The following ANK2 variants were observed in gnomAD, a reference collection of about 807,000 sequenced individuals.
ANK2 encodes ankyrin-2.
A neutral mutation model predicts 360.5 loss-of-function variants in ANK2; 83 were observed. That is an observed-to-expected ratio of 0.23 (90% CI 0.19 to 0.28). The LOEUF (loss-of-function observed/expected upper bound fraction) is 0.28, where lower values mean the gene tolerates loss of function less well. Ranked by LOEUF, ANK2 falls within the 10% of genes least tolerant of loss-of-function variation. ANK2 has a pLI of 1.00. For synonymous variants in ANK2, 1,740 were observed against 1,759.5 expected (o/e 0.99, Z 0.28); for missense variants, 4,201 against 4,795.7 (o/e 0.88, Z 3.66).
intron 2 of ANK2, among the ~76,000 whole-genome samples, chr4:113,025,494 T>C (rs1467026223): frequency 6.6e-6 from 1 of 152,204 alleles, no homozygotes; most frequent in African/African-American, 2.4e-5. Flanking sequence ...TTGTGCCTTA[T>C]GGATAAACTC....
chr4:112,730,670 A>G, the ANK2 span, among the ~76,000 whole-genome samples: 5 of 151,106 alleles, frequency 3.3e-5, no homozygotes, highest in Non-Finnish European at 7.4e-5. Context: ...AAAGAAAACA[A>G]AATTACTAGA....
chr4:113,280,029 G>A lies in ANK2; in HGVS notation c.1881+1471G>A, dbSNP rs556223429. ...ATTTGGATGAAAGAATGAAGATTGA[G>A]CAACTATGGAATAAAAATATACCTG... is the stretch of plus-strand genomic sequence containing the variant. On this transcript the variant is annotated intron_variant, in intron 17 of 45. Transcript: ENST00000357077. Among the ~76,000 whole-genome samples, 41 of 152,136 alleles carry A rather than the reference G, an allele frequency of 2.7e-4. No individual in the cohort carries two copies. In the South Asian group the frequency reaches 7.1e-3, roughly 26 times the overall value.
chr4:113,381,798 T>C lies in ANK2; in HGVS notation c.*327T>C, dbSNP rs1247058595. The C allele has an allele frequency of 1.0e-5, 7 of 668,762 alleles. No homozygotes were observed. Among genetic ancestry groups the C allele is most frequent in the Non-Finnish European group, 1.7e-5 (7 of 419,822 alleles). The allele number at this position is 668,762 out of a possible 1,614,324, so 41.4% of individuals were successfully genotyped here. ...ATTTTGCTTTAGTTTTCCCCCATCCTCTTTAACTATAAAGCTAATTTGTGA... is the reference window on the plus strand; with the variant it reads ...ATTTTGCTTTAGTTTTCCCCCATCCCCTTTAACTATAAAGCTAATTTGTGA... On this transcript the variant is annotated 3_prime_UTR_variant, in exon 46 of 46. Coordinates refer to ENST00000357077, the MANE Select transcript of ANK2 (RefSeq NM_001148.6).
At chr4:113,242,841 A>G (rs910288299) in intron 9 of ANK2, among the ~76,000 whole-genome samples, 5 of 152,190 alleles carry the variant, frequency 3.3e-5, no homozygotes, top group African/African-American at 1.2e-4. Context: ...TCAGTTGTTA[A>G]AAGTGCAGAA....
At chr4:113,057,917 G>A (rs996375020) in intron 1 of ANK2, among the ~76,000 whole-genome samples, 2 of 152,086 alleles carry the variant, frequency 1.3e-5, no homozygotes, top group Non-Finnish European at 2.9e-5. Context: ...TGATCATAAT[G>A]TTATGCTAGT....
intron 29 of ANK2, 147 bp from the exon 30 acceptor site, chr4:113,335,699 T>C: frequency 1.2e-6 from 1 of 844,534 alleles, no homozygotes; most frequent in Non-Finnish European, 1.9e-6. Context: ...TAGGATAGCC[T>C]TGCTTTTTAA....
At chr4:113,139,975 A>G (rs912796419) in intron 1 of ANK2, among the ~76,000 whole-genome samples, 1 of 152,256 alleles carries the variant, frequency 6.6e-6, no homozygotes, top group African/African-American at 2.4e-5. Flanking sequence ...GACCTCAATT[A>G]GAAAAATTAT....
intron 1 of ANK2, among the ~76,000 whole-genome samples, chr4:112,863,884 G>A (rs2069154766): frequency 6.6e-6 from 1 of 152,068 alleles, no homozygotes; most frequent in East Asian, 1.9e-4. Flanking sequence ...TCCATTTTGT[G>A]TATTGTGAGG....
intron 1 of ANK2, among the ~76,000 whole-genome samples, chr4:113,096,796 CAT>C (rs756361988): frequency 2.0e-5 from 3 of 151,820 alleles, no homozygotes; most frequent in East Asian, 3.9e-4. Flanking sequence ...TATGTAGAAA[CAT>C]AGAAAAAAAC....
intron 1 of ANK2, chr4:113,150,947 T>G: frequency 1.5e-6 from 1 of 666,020 alleles, no homozygotes; most frequent in Non-Finnish European, 2.2e-6. Context: ...CTGCATATCA[T>G]AAGCTCTATT....
chr4:113,035,541 A>G (rs962497325), intron 2 of ANK2, among the ~76,000 whole-genome samples: 1 of 151,950 alleles, frequency 6.6e-6, no homozygotes, highest in Non-Finnish European at 1.5e-5. Flanking sequence ...TGATTTATCT[A>G]TCTCCTTTTA....
intron 1 of ANK2, among the ~76,000 whole-genome samples, chr4:113,162,628 A>AAAAC (rs959531372): frequency 3.9e-5 from 6 of 152,184 alleles, no homozygotes; most frequent in Non-Finnish European, 7.3e-5. Flanking sequence ...ACAAGTTTGT[A>AAAAC]AAACAAACAA....
intron 2 of ANK2, among the ~76,000 whole-genome samples, chr4:112,918,621 C>G (rs1246546033): frequency 1.3e-5 from 2 of 152,118 alleles, no homozygotes; most frequent in Non-Finnish European, 2.9e-5. Flanking sequence ...CACACTCTAA[C>G]AAATAAAACT....
intron 4 of ANK2, among the ~76,000 whole-genome samples, chr4:113,216,074 A>T (rs1393843817): frequency 6.6e-6 from 1 of 152,154 alleles, no homozygotes; most frequent in South Asian, 2.1e-4. Flanking sequence ...TTCTTGTGGT[A>T]TTTCAAGTTT....
At chr4:113,173,579 A>G (rs2098077982) in intron 1 of ANK2, among the ~76,000 whole-genome samples, 1 of 152,196 alleles carries the variant, frequency 6.6e-6, no homozygotes, top group South Asian at 2.1e-4. Flanking sequence ...CAGACTTTAT[A>G]ACCAAGCCAG....
At chr4:112,914,032 G>A (rs2088780973) in intron 2 of ANK2, among the ~76,000 whole-genome samples, 1 of 151,958 alleles carries the variant, frequency 6.6e-6, no homozygotes, top group Non-Finnish European at 1.5e-5. Flanking sequence ...TTTTTTTGGG[G>A]TTTCTTTTCA....
chr4:112,729,080 G>A, the ANK2 span, among the ~76,000 whole-genome samples: 1 of 152,078 alleles, frequency 6.6e-6, no homozygotes, highest in Non-Finnish European at 1.5e-5. Flanking sequence ...GGTGGCACAT[G>A]CATGTGGTGC....
chr4:113,175,944 T>TA (rs1462329601), intron 2 of ANK2, among the ~76,000 whole-genome samples: 2 of 152,204 alleles, frequency 1.3e-5, no homozygotes, highest in Middle Eastern at 3.2e-3. Context: ...GTCCTGCAGA[T>TA]ACTTTTGGGA....
chr4:113,320,152 C>T (rs1563731104), intron 26 of ANK2, among the ~76,000 whole-genome samples: 1 of 152,160 alleles, frequency 6.6e-6, no homozygotes, highest in Non-Finnish European at 1.5e-5. Context: ...TTATGTACAA[C>T]TAGATACACC....
Sources: gnomAD v4.1 joint callset for allele counts (sites outside exome capture counted in the v4.1 genomes callset) on GRCh38, gnomAD v4.1.1 for gene constraint, MANE v1.5 for transcripts, NCBI Gene and HGNC (gene_info 2026-07-23, HGNC 2026-07-21) for gene names.